The following VAV2 variants were observed in gnomAD, a reference collection of about 807,000 sequenced individuals.
The protein encoded by VAV2 is vav guanine nucleotide exchange factor 2.
VAV2 carries 67 observed loss-of-function variants against 132.5 expected under a neutral mutation model. That is an observed-to-expected ratio of 0.51 (90% confidence interval 0.42 to 0.62). The LOEUF (loss-of-function observed/expected upper bound fraction) is 0.62, where lower values mean the gene tolerates loss of function less well. VAV2 is among the 20% of genes least tolerant of loss of function. The pLI is 0.00. For missense variants in VAV2, 938 were observed against 1,153.6 expected (o/e 0.81, Z 2.71); for synonymous variants, 492 against 443.5 (o/e 1.11, Z -1.37).
chr9:133,799,948 TGA>T (rs1237484208), intron 9 of VAV2, among the ~76,000 whole-genome samples: 1 of 151,962 alleles, frequency 6.6e-6, no homozygotes, highest in Non-Finnish European at 1.5e-5. Context: ...TTCTCCACCC[TGA>T]GAGAATGGTC....
At chr9:133,783,379 T>G in intron 19 of VAV2, 124 bp downstream of exon 19, 1 of 871,644 alleles carries the variant, frequency 1.1e-6, no homozygotes, top group South Asian at 1.4e-5. Flanking sequence ...ACGTGAGCAC[T>G]GGTGCCCTCA....
intron 25 of VAV2, 82 bp downstream of exon 25, chr9:133,774,853 T>C: frequency 1.6e-6 from 2 of 1,284,404 alleles, no homozygotes; most frequent in Non-Finnish European, 2.2e-6. Context: ...CCCCACGAGC[T>C]CAGGACGTGG....
chr9:133,866,882 CAT>C (rs963281741), intron 2 of VAV2, among the ~76,000 whole-genome samples: 3 of 151,722 alleles, frequency 2.0e-5, no homozygotes, highest in Non-Finnish European at 2.9e-5. Flanking sequence ...CTGTTTAGCA[CAT>C]GTCACAGGGT....
At chr9:133,812,857 C>G (rs549757622) in intron 4 of VAV2, among the ~76,000 whole-genome samples, 26 of 152,350 alleles carry the variant, frequency 1.7e-4, no homozygotes, top group Non-Finnish European at 2.5e-4. Context: ...ACTCAGCTCA[C>G]GGGCCACCTC....
intron 29 of VAV2, among the ~76,000 whole-genome samples, chr9:133,766,773 T>TATATATAA (rs1833451797): frequency 6.9e-6 from 1 of 144,674 alleles, no homozygotes; most frequent in African/African-American, 2.5e-5. Flanking sequence ...TATATATATA[T>TATATATAA]ATATATATAT....
intron 2 of VAV2, among the ~76,000 whole-genome samples, chr9:133,911,258 C>T (rs1379996912): frequency 6.6e-6 from 1 of 152,242 alleles, no homozygotes; most frequent in African/African-American, 2.4e-5. Context: ...CCCAGCCCTT[C>T]GCCCTGGAGC....
At chr9:133,974,038 C>A (rs896744716) in intron 1 of VAV2, among the ~76,000 whole-genome samples, 6 of 152,140 alleles carry the variant, frequency 3.9e-5, no homozygotes, top group African/African-American at 1.4e-4. Context: ...GCTCCCTTCA[C>A]GCTCACCTGG....
At position 133,775,071 on chromosome 9, in the gene VAV2, G is replaced by A. The variant is rs753909750; in HGVS notation, c.2019-20C>T. 4 of 1,582,070 alleles carry A rather than the reference G, an allele frequency of 2.5e-6. No homozygotes were observed. The highest frequency in any genetic ancestry group is 3.4e-6 in the Non-Finnish European group (4 of 1,164,136). ...GCAAACCTACAGGAGGGGGCCGGGA[G>A]GAAACGAGAGCCGCAGTGAGGACAG... On this transcript the variant is annotated intron_variant, in intron 24 of 29. Transcript: ENST00000371850.
intron 3 of VAV2, among the ~76,000 whole-genome samples, chr9:133,835,391 G>T (rs778136956): frequency 9.2e-5 from 14 of 151,698 alleles, no homozygotes; most frequent in Non-Finnish European, 1.5e-4. Context: ...CTCAGGAAGC[G>T]GGGAGAGGCG....
chr9:133,786,491 G>A (rs117854892), intron 16 of VAV2, among the ~76,000 whole-genome samples: 4,947 of 152,294 alleles, frequency 0.032, 108 homozygotes, highest in Non-Finnish European at 0.048. Context: ...CATGTTAAGC[G>A]GGGGCAGGAT....
intron 1 of VAV2, among the ~76,000 whole-genome samples, chr9:133,945,126 GAT>G (rs1841313747): frequency 6.6e-6 from 1 of 152,232 alleles, no homozygotes; most frequent in Non-Finnish European, 1.5e-5. Flanking sequence ...CACTAGCAAG[GAT>G]GTAACTGAGC....
chr9:133,835,303 G>C (rs1018428833), intron 3 of VAV2, among the ~76,000 whole-genome samples: 2 of 151,874 alleles, frequency 1.3e-5, no homozygotes, highest in African/African-American at 4.8e-5. Context: ...GTGTGGCCCC[G>C]AGTCTACAGG....
intron 1 of VAV2, among the ~76,000 whole-genome samples, chr9:133,980,311 A>G (rs1842653781): frequency 6.6e-6 from 1 of 152,160 alleles, no homozygotes; most frequent in African/African-American, 2.4e-5. Context: ...CTGGCCCGTC[A>G]CCTGTCCCTC....
intron 3 of VAV2, among the ~76,000 whole-genome samples, chr9:133,846,554 T>TCCTTGGCTGCCCTGGC (rs1554789356): frequency 6.6e-6 from 1 of 151,840 alleles, no homozygotes; most frequent in African/African-American, 2.4e-5. Flanking sequence ...TCCAGCCCTG[T>TCCTTGGCTGCCCTGGC]CCCTGGCTGC....
At chr9:133,844,063 CT>C (rs1458154886) in intron 3 of VAV2, among the ~76,000 whole-genome samples, 2 of 147,846 alleles carry the variant, frequency 1.4e-5, no homozygotes, top group African/African-American at 5.2e-5. Context: ...GTTTCTGCCC[CT>C]GTTTCCAGAA....
intron 4 of VAV2, among the ~76,000 whole-genome samples, chr9:133,821,305 T>C (rs1019694485): frequency 6.6e-6 from 1 of 152,210 alleles, no homozygotes; most frequent in Non-Finnish European, 1.5e-5. Context: ...CGGGCCGCAG[T>C]GGGTCTCTTG....
chr9:133,796,608 G>T, intron 10 of VAV2, 84 bp from the exon 11 acceptor site: 2 of 1,288,392 alleles, frequency 1.6e-6, no homozygotes, highest in Non-Finnish European at 2.1e-6. Context: ...ACAGAGAGGG[G>T]AGACCTAAGC....
chr9:133,782,075 G>A (rs549517759), intron 19 of VAV2, among the ~76,000 whole-genome samples: 9 of 150,970 alleles, frequency 6.0e-5, no homozygotes, highest in Middle Eastern at 3.4e-3. Flanking sequence ...AATTTTCTAC[G>A]GAAAATCAGT....
chr9:133,769,313 G>C lies in VAV2; in HGVS notation c.2434+104C>G. 1 of 1,263,898 alleles carries C rather than the reference G, an allele frequency of 7.9e-7. No homozygotes were observed. Among genetic ancestry groups the C allele is most frequent in the Non-Finnish European group, 1.1e-6 (1 of 919,978 alleles). 78.3% of individuals were successfully genotyped at this position (1,263,898 alleles called of 1,614,324 possible). A position where few individuals can be genotyped will look rare whatever the true frequency, so the allele number is the denominator to read the frequency against. ...CAGTGCCAGACTGCGGACAACTGTG[G>C]CCACGTCAGGCAGGGCTGTGGGGCC... On this transcript the variant is annotated intron_variant, in intron 28 of 29. Coordinates refer to ENST00000371850, the MANE Select transcript of VAV2 (RefSeq NM_001134398.2). This position sits in a 1 kb window ranked among gnomAD's most constrained non-coding sequence, Gnocchi z 8.1.
Sources: gnomAD v4.1 joint callset for allele counts (sites outside exome capture counted in the v4.1 genomes callset) on GRCh38, gnomAD v4.1.1 for gene constraint, Gnocchi (gnomAD v3.1) non-coding constraint, MANE v1.5 for transcripts, NCBI Gene and HGNC (gene_info 2026-07-23, HGNC 2026-07-21) for gene names.